Variants in DSCAM observed in about 807,000 individuals in gnomAD.
DSCAM encodes the protein DS cell adhesion molecule, also known as cell adhesion molecule DSCAM.
A neutral mutation model predicts 217.7 loss-of-function variants in DSCAM; 47 were observed. The ratio of observed to expected loss-of-function variants is 0.22; its 90% CI spans 0.17 to 0.28. The LOEUF is 0.28. Ranked by LOEUF, DSCAM falls within the 10% of genes least tolerant of loss-of-function variation. The probability of loss-of-function intolerance (pLI) is 1.00; values close to 1 mark genes in which losing one functional copy is unlikely to be tolerated. For missense variants in DSCAM, 2,080 were observed against 2,618.3 expected (o/e 0.79, Z 4.49); for synonymous variants, 1,056 against 1,015.3 (o/e 1.04, Z -0.76).
At chr21:40,607,894 A>G (rs2089263065) in intron 3 of DSCAM, among the ~76,000 whole-genome samples, 1 of 152,196 alleles carries the variant, frequency 6.6e-6, no homozygotes, top group Non-Finnish European at 1.5e-5. Flanking sequence ...ATATTCCCAC[A>G]TTGAGAGGCG....
intron 3 of DSCAM, among the ~76,000 whole-genome samples, chr21:40,533,677 C>T (rs1422283118): frequency 6.7e-6 from 1 of 149,492 alleles, no homozygotes; most frequent in Non-Finnish European, 1.5e-5. Context: ...ATCCATCTGT[C>T]CATCCATCCA....
At chr21:40,100,131 G>A (rs2089731453) in intron 20 of DSCAM, among the ~76,000 whole-genome samples, 1 of 152,210 alleles carries the variant, frequency 6.6e-6, no homozygotes, top group East Asian at 1.9e-4. Flanking sequence ...ACAGAGGGAT[G>A]CAGTGTAAAT....
At chr21:40,183,129 A>AGAAACCGTGGACAGGGGG (rs1568987314) in intron 14 of DSCAM, among the ~76,000 whole-genome samples, 1 of 47,932 alleles carries the variant, frequency 2.1e-5, no homozygotes, top group Non-Finnish European at 3.9e-5. Flanking sequence ...TGGACAGGAG[A>AGAAACCGTGGACAGGGGG]GGCAACAAGA....
intron 3 of DSCAM, among the ~76,000 whole-genome samples, chr21:40,649,139 A>C (rs142259806): frequency 5.9e-4 from 90 of 152,278 alleles, no homozygotes; most frequent in African/African-American, 2.0e-3. Flanking sequence ...AGTGCACTAC[A>C]TCTGGTTACA....
intron 3 of DSCAM, among the ~76,000 whole-genome samples, chr21:40,539,147 G>A (rs899871391): frequency 7.9e-5 from 12 of 152,106 alleles, no homozygotes; most frequent in African/African-American, 2.9e-4. Context: ...GAGGCCGAGA[G>A]GGCCCAGACC....
intron 3 of DSCAM, among the ~76,000 whole-genome samples, chr21:40,685,906 TGCATATCC>T: frequency 6.7e-6 from 1 of 148,904 alleles, no homozygotes; most frequent in East Asian, 2.0e-4. Flanking sequence ...GAGAAATCAC[TGCATATCC>T]ATGGGAGGAA....
At chr21:40,690,495 T>C (rs1428973424) in intron 3 of DSCAM, among the ~76,000 whole-genome samples, 1 of 152,240 alleles carries the variant, frequency 6.6e-6, no homozygotes, top group Non-Finnish European at 1.5e-5. Context: ...GTATTTATTT[T>C]CTAGATGCTG....
Position 40,129,664 on chromosome 21 carries a change from C to T in DSCAM, c.3562+4190G>A, listed in dbSNP as rs1203061847. ...GGTATACCTGCCACTGCACATGGCACACTACCATAGGCTATAGAGCACTGG... is the reference window on the plus strand; with the variant it reads ...GGTATACCTGCCACTGCACATGGCATACTACCATAGGCTATAGAGCACTGG... On this transcript the variant is annotated intron_variant, in intron 19 of 32. Coordinates refer to ENST00000400454, the MANE Select transcript of DSCAM (RefSeq NM_001389.5). 3.3e-5 allele frequency among the ~76,000 whole-genome samples: 5 copies of T among 152,330 alleles called. No individual in the cohort carries two copies. In the East Asian group the frequency reaches 7.7e-4, roughly 24 times the overall value.
At chr21:40,336,789 C>A (rs1226009607) in intron 8 of DSCAM, among the ~76,000 whole-genome samples, 2 of 152,154 alleles carry the variant, frequency 1.3e-5, no homozygotes, top group African/African-American at 4.8e-5. Context: ...AGAAGAGAGT[C>A]AATGAAGGAA....
chr21:40,166,206 G>C (rs2146770919), intron 16 of DSCAM, among the ~76,000 whole-genome samples: 1 of 152,296 alleles, frequency 6.6e-6, no homozygotes, highest in East Asian at 1.9e-4. Context: ...GCAATGGTTA[G>C]AAGAGGTGTG....
intron 1 of DSCAM, among the ~76,000 whole-genome samples, chr21:40,752,932 T>A (rs1346839918): frequency 6.6e-6 from 1 of 152,106 alleles, no homozygotes; most frequent in Non-Finnish European, 1.5e-5. Flanking sequence ...AAGTAATAGA[T>A]GAAATAGATG....
intron 3 of DSCAM, among the ~76,000 whole-genome samples, chr21:40,551,905 G>C (rs1325051089): frequency 1.3e-5 from 2 of 152,128 alleles, no homozygotes; most frequent in African/African-American, 4.8e-5. Flanking sequence ...GTTTCCTTGG[G>C]TCCCTTTGGC....
At chr21:40,670,903 A>G (rs941014590) in intron 3 of DSCAM, among the ~76,000 whole-genome samples, 12 of 152,212 alleles carry the variant, frequency 7.9e-5, no homozygotes, top group South Asian at 2.1e-4. Context: ...ACTCAAACAA[A>G]CAGAAGACAA....
At chr21:40,569,226 C>T (rs1163705230) in intron 3 of DSCAM, among the ~76,000 whole-genome samples, 1 of 152,172 alleles carries the variant, frequency 6.6e-6, no homozygotes, top group East Asian at 1.9e-4. Context: ...TTAACACATA[C>T]TGTGCCACAC....
intron 19 of DSCAM, among the ~76,000 whole-genome samples, chr21:40,133,277 G>A (rs1049530910): frequency 7.9e-5 from 12 of 152,174 alleles, no homozygotes; most frequent in Non-Finnish European, 1.5e-4. Context: ...AATCCAAATT[G>A]TAAGGAACAG....
intron 31 of DSCAM, 40 bp downstream of exon 31, chr21:40,044,038 G>A: frequency 6.2e-7 from 1 of 1,606,106 alleles, no homozygotes; most frequent in African/African-American, 1.3e-5. Flanking sequence ...CGGGGGCCGT[G>A]CTGGTCCCCA....
chr21:40,835,117 T>C (rs1393799406), intron 1 of DSCAM, among the ~76,000 whole-genome samples: 1 of 152,238 alleles, frequency 6.6e-6, no homozygotes, highest in Non-Finnish European at 1.5e-5. Flanking sequence ...CTAATAATAA[T>C]ACTGAGTCAC....
At chr21:40,088,404 C>T (rs1031036385) in intron 21 of DSCAM, among the ~76,000 whole-genome samples, 3 of 152,198 alleles carry the variant, frequency 2.0e-5, no homozygotes, top group African/African-American at 7.2e-5. Context: ...GTACCCAGAG[C>T]CAAGTCATTA....
chr21:40,432,353 G>A (rs570780966), intron 3 of DSCAM, among the ~76,000 whole-genome samples: 5 of 152,162 alleles, frequency 3.3e-5, no homozygotes, highest in South Asian at 4.2e-4. Context: ...CAGAGGCTGC[G>A]GTGTTTCTCA....
Sources: gnomAD v4.1 joint callset for allele counts (sites outside exome capture counted in the v4.1 genomes callset) on GRCh38, gnomAD v4.1.1 for gene constraint, MANE v1.5 for transcripts, NCBI Gene and HGNC (gene_info 2026-07-23, HGNC 2026-07-21) for gene names.